The following PCDHA3 variants were observed in gnomAD, a reference collection of about 807,000 sequenced individuals.
PCDHA3 encodes protocadherin alpha-3.
A neutral mutation model predicts 62.2 loss-of-function variants in PCDHA3; 41 were observed. That is an observed-to-expected ratio of 0.66 (90% CI 0.51 to 0.86). The LOEUF is 0.86. Among genes scored for constraint, PCDHA3 ranks in the 40% least tolerant of loss-of-function variants. PCDHA3 has a pLI of 0.00. For missense variants in PCDHA3, 1,304 were observed against 1,241.2 expected, an observed-to-expected ratio of 1.05 and a Z score of -0.76; for synonymous variants, 640 against 555.4, an observed-to-expected ratio of 1.15 and a Z score of -2.14.
Position 140,857,539 on chromosome 5 carries a change from G to A in PCDHA3, c.2394+53948G>A, listed in dbSNP as rs782469087. The A allele has an allele frequency of 1.3e-5, 20 of 1,597,384 alleles. 1 individual carries two copies. Among genetic ancestry groups the A allele is most frequent in the Non-Finnish European group, 1.7e-5 (20 of 1,167,720 alleles). ...TGTCCTACTCTCTGGTGGAGCGGCG[G>A]TTGGGCGAGCGCTCGCTGTCGAGCT... On this transcript the variant is annotated intron_variant, in intron 1 of 3. Coordinates refer to ENST00000522353, the MANE Select transcript of PCDHA3 (RefSeq NM_018906.3).
In PCDHA3 at chr5:140,967,370, G is replaced by A. The variant is rs1554229504; in HGVS notation, c.2395-11579G>A. ...CGAGCTGGACCTTAAGCCCCTGCAGGAGAACAGTAAAGTGCTTGAGCTGGT... is the reference window on the plus strand; with the variant it reads ...CGAGCTGGACCTTAAGCCCCTGCAGAAGAACAGTAAAGTGCTTGAGCTGGT... On this transcript the variant is annotated intron_variant, in intron 1 of 3. Transcript: ENST00000522353. The A allele has an allele frequency of 3.1e-6, 5 of 1,607,662 alleles. No individual in the cohort carries two copies. The South Asian group carries it at 3.3e-5, about 11-fold the overall frequency.
At chr5:140,925,641 T>TATA (rs10569930) in intron 1 of PCDHA3, among the ~76,000 whole-genome samples, 50,126 of 143,032 alleles carry the variant, frequency 0.35, 8,990 homozygotes, top group South Asian at 0.5. Context: ...GAACTTAAAG[T>TATA]ATAATAATAA....
At chr5:140,884,758 C>T in intron 1 of PCDHA3, 2 of 1,424,736 alleles carry the variant, frequency 1.4e-6, no homozygotes, top group Middle Eastern at 4.1e-4. Flanking sequence ...TCAAATTATT[C>T]TTTACTTTAA....
rs79233681 is a variant in PCDHA3 at position 140,965,822 on chromosome 5, A to T, written c.2395-13127A>T. Among the ~76,000 whole-genome samples the T allele has an allele frequency of 5.2e-3, 789 of 152,324 alleles. 9 individuals are homozygous for T. The highest frequency in any genetic ancestry group is 0.018 in the African/African-American group (747 of 41,576). On this transcript the variant is annotated intron_variant, in intron 1 of 3. Coordinates refer to ENST00000522353, the MANE Select transcript of PCDHA3 (RefSeq NM_018906.3). The stretch of plus-strand genomic sequence containing the variant: ...TTTTTTTAAACAGAGCATTTTAAAC[A>T]TTTAAATATTGGTTATTTGCCAAGG...
intron 1 of PCDHA3, chr5:140,856,057 C>T: frequency 6.3e-7 from 1 of 1,587,068 alleles, no homozygotes; most frequent in East Asian, 2.2e-5. Flanking sequence ...AGATGGTTTC[C>T]AGATGTAGCT....
chr5:140,835,233 G>A (rs2150232386), intron 1 of PCDHA3: 2 of 1,597,634 alleles, frequency 1.3e-6, no homozygotes, highest in Non-Finnish European at 1.7e-6. Context: ...CTTCTCCAGT[G>A]ATGTTTCTCC....
chr5:140,861,421 T>C, intron 1 of PCDHA3: 2 of 481,940 alleles, frequency 4.1e-6, no homozygotes, highest in South Asian at 3.2e-5. Context: ...CCGCGCCTGT[T>C]TCAGTTGGAT....
At chr5:140,823,162 G>A (rs2150122942) in intron 1 of PCDHA3, 13 of 1,613,938 alleles carry the variant, frequency 8.1e-6, no homozygotes, top group Non-Finnish European at 1.0e-5. Context: ...TACCGTGTTC[G>A]TGAAGGAGAA....
intron 2 of PCDHA3, among the ~76,000 whole-genome samples, chr5:140,982,129 A>G (rs2153827592): frequency 6.6e-6 from 1 of 152,376 alleles, no homozygotes; most frequent in East Asian, 1.9e-4. Context: ...TTTGAGAACA[A>G]GCCCTCCTCA....
At chr5:140,993,321 G>A (rs1021026330) in intron 3 of PCDHA3, among the ~76,000 whole-genome samples, 58 of 152,134 alleles carry the variant, frequency 3.8e-4, no homozygotes, top group African/African-American at 5.3e-4. Context: ...TACCTTCTAA[G>A]TGTTTGTGAT....
intron 1 of PCDHA3, among the ~76,000 whole-genome samples, chr5:140,916,018 T>C (rs550604062): frequency 6.6e-6 from 1 of 152,254 alleles, no homozygotes; most frequent in East Asian, 1.9e-4. Flanking sequence ...ACAAAGTCTT[T>C]CCCATTCTTC....
chr5:140,949,961 G>A lies in PCDHA3; in HGVS notation c.2395-28988G>A, dbSNP rs373865946. ...TTGCATTTTTTAGTGGTTGCTGTAA[G>A]GATTACAGCATACATACTTAACTTT... On this transcript the variant is annotated intron_variant, in intron 1 of 3. Transcript: ENST00000522353. Among the ~76,000 whole-genome samples, 68 of 151,658 alleles carry A rather than the reference G, an allele frequency of 4.5e-4. 1 individual carries two copies. The East Asian group carries it at 0.012, about 28-fold the overall frequency.
chr5:140,828,699 A>G, intron 1 of PCDHA3: 1 of 1,614,250 alleles, frequency 6.2e-7, no homozygotes, highest in Non-Finnish European at 8.5e-7. Flanking sequence ...TTGGACAGAG[A>G]GGAAGCTCCT....
intron 3 of PCDHA3, among the ~76,000 whole-genome samples, chr5:140,992,294 G>C (rs2097504138): frequency 1.3e-5 from 2 of 152,190 alleles, no homozygotes; most frequent in African/African-American, 4.8e-5. Context: ...CAAAGGATGG[G>C]AGTATTGTTT....
At chr5:141,006,837 TG>T (rs1477008780) in intron 3 of PCDHA3, among the ~76,000 whole-genome samples, 2 of 152,186 alleles carry the variant, frequency 1.3e-5, no homozygotes, top group African/African-American at 4.8e-5. Context: ...TGTAATTTAC[TG>T]AAACTGGAAA....
At position 140,990,592 on chromosome 5, in the gene PCDHA3, C is replaced by T. The variant is rs150978794; in HGVS notation, c.2542+8029C>T. On this transcript the variant is annotated intron_variant, in intron 3 of 3. Coordinates refer to ENST00000522353, the MANE Select transcript of PCDHA3 (RefSeq NM_018906.3). ...GTTCGATCTCTTTTCCTATAATCAC[C>T]TGGAGTCAGATGAATACCGTAAAGG... 2.7e-3 allele frequency among the ~76,000 whole-genome samples: 412 copies of T among 152,286 alleles called. 2 individuals are homozygous for T. Among genetic ancestry groups the T allele is most frequent in the African/African-American group, 9.5e-3 (395 of 41,556 alleles).
chr5:140,857,804 G>A, intron 1 of PCDHA3: 1 of 1,597,858 alleles, frequency 6.3e-7, no homozygotes, highest in Non-Finnish European at 8.6e-7. Context: ...GTCGGTGGTT[G>A]CGGGTCACGT....
chr5:140,909,684 GT>G (rs2074636344), intron 1 of PCDHA3, among the ~76,000 whole-genome samples: 1 of 152,220 alleles, frequency 6.6e-6, no homozygotes, highest in Non-Finnish European at 1.5e-5. Context: ...GGGAGCCAAT[GT>G]GGGGGTTCTG....
At chr5:140,880,083 A>G (rs1453702460) in intron 1 of PCDHA3, among the ~76,000 whole-genome samples, 2 of 152,242 alleles carry the variant, frequency 1.3e-5, no homozygotes, top group African/African-American at 4.8e-5. Context: ...TCAACCTATT[A>G]TAGTAGGCTT....
Sources: allele counts gnomAD v4.1 joint callset (sites outside exome capture counted in the v4.1 genomes callset), GRCh38; gene constraint gnomAD v4.1.1; transcripts MANE v1.5; gene names NCBI Gene and HGNC (gene_info 2026-07-23, HGNC 2026-07-21).